Variants in PID1 observed in about 807,000 individuals in gnomAD.
PID1 encodes the protein PTB-containing, cubilin and LRP1-interacting protein.
Under a neutral mutation model 19.1 loss-of-function variants are expected in PID1, and 10 were observed. That is an observed-to-expected ratio of 0.52 (90% CI 0.32 to 0.89). The LOEUF (loss-of-function observed/expected upper bound fraction) is 0.89. PID1 is among the 40% of genes least tolerant of loss of function. The probability of loss-of-function intolerance (pLI) is 0.03; values close to 1 mark genes in which losing one functional copy is unlikely to be tolerated. For synonymous variants in PID1, 130 were observed against 116.0 expected, an observed-to-expected ratio of 1.12 and a Z score of -0.78; for missense variants, 248 against 285.3, an observed-to-expected ratio of 0.87 and a Z score of 0.94.
At position 229,271,208 on chromosome 2, in the gene PID1, G is replaced by A. The variant is rs955185797; in HGVS notation, c.-165C>T. ...TGGGCGTAGGGGGCTGCGAGCAGGAGGAGGCGCGGCGCTCAGCTGCCGGCA... is the reference window on the plus strand; with the variant it reads ...TGGGCGTAGGGGGCTGCGAGCAGGAAGAGGCGCGGCGCTCAGCTGCCGGCA... On this transcript the variant is annotated 5_prime_UTR_variant, in exon 1 of 3. Coordinates refer to ENST00000392055, the MANE Select transcript of PID1 (RefSeq NM_001100818.2). The A allele has an allele frequency of 3.2e-4, 206 of 640,732 alleles. 1 individual carries two copies. Among genetic ancestry groups the A allele is most frequent in the Non-Finnish European group, 2.6e-4 (105 of 400,124 alleles). The allele number at this position is 640,732 out of a possible 1,614,324, so 39.7% of individuals were successfully genotyped here.
intron 1 of PID1, among the ~76,000 whole-genome samples, chr2:229,186,955 C>T (rs932491270): frequency 1.3e-5 from 2 of 152,110 alleles, no homozygotes; most frequent in Non-Finnish European, 2.9e-5. Flanking sequence ...CTGCCAGATA[C>T]CCTAAATCAT....
At chr2:229,086,549 G>C (rs1694769989) in intron 2 of PID1, among the ~76,000 whole-genome samples, 1 of 152,070 alleles carries the variant, frequency 6.6e-6, no homozygotes, top group Non-Finnish European at 1.5e-5. Flanking sequence ...CATTTCTAAA[G>C]GTTTTATAAA....
At chr2:229,141,785 G>A (rs947560929) in intron 2 of PID1, among the ~76,000 whole-genome samples, 2 of 152,034 alleles carry the variant, frequency 1.3e-5, no homozygotes, top group Non-Finnish European at 2.9e-5. Context: ...GATGCCTGGT[G>A]ACTCATAAAT....
At chr2:229,051,699 T>C (rs756367506) in intron 2 of PID1, among the ~76,000 whole-genome samples, 1 of 152,188 alleles carries the variant, frequency 6.6e-6, no homozygotes, top group African/African-American at 2.4e-5. Context: ...AAGGTGTAAG[T>C]GTGTTGCAGG....
intron 1 of PID1, among the ~76,000 whole-genome samples, chr2:229,234,203 G>T (rs945920456): frequency 6.6e-6 from 1 of 152,146 alleles, no homozygotes; most frequent in African/African-American, 2.4e-5. Context: ...ACCATGGAGG[G>T]CCCTGAAAGA....
chr2:229,216,056 C>G (rs1202906758), intron 1 of PID1, among the ~76,000 whole-genome samples: 1 of 152,188 alleles, frequency 6.6e-6, no homozygotes, highest in Non-Finnish European at 1.5e-5. Context: ...ATGTCCCCCT[C>G]AGTGACCCAA....
intron 1 of PID1, among the ~76,000 whole-genome samples, chr2:229,197,456 T>C (rs1691401628): frequency 6.6e-6 from 1 of 152,012 alleles, no homozygotes; most frequent in Non-Finnish European, 1.5e-5. Flanking sequence ...GAAGATACAT[T>C]ATACATAGCA....
At chr2:229,267,986 T>C (rs1382625678) in intron 1 of PID1, among the ~76,000 whole-genome samples, 1 of 152,162 alleles carries the variant, frequency 6.6e-6, no homozygotes, top group Non-Finnish European at 1.5e-5. Flanking sequence ...TTCATATTTA[T>C]TCACTGTAAA....
intron 2 of PID1, among the ~76,000 whole-genome samples, chr2:229,114,491 A>G (rs1168865226): frequency 6.6e-6 from 1 of 152,138 alleles, no homozygotes; most frequent in Admixed American, 6.5e-5. Flanking sequence ...ATTGCTCAAC[A>G]GCCCCCTAGC....
chr2:229,151,577 T>A (rs192891343), intron 2 of PID1, among the ~76,000 whole-genome samples: 225 of 152,062 alleles, frequency 1.5e-3, no homozygotes, highest in African/African-American at 5.2e-3. Context: ...ATTTCTTTTT[T>A]TTTTTTTTTC....
At chr2:229,262,904 C>T in intron 1 of PID1, 1 of 1,493,744 alleles carries the variant, frequency 6.7e-7, no homozygotes, top group Non-Finnish European at 8.9e-7. Flanking sequence ...CTTATAAGGA[C>T]ATTAGTCATT....
chr2:229,245,889 A>G (rs1183699619), intron 1 of PID1, among the ~76,000 whole-genome samples: 1 of 152,112 alleles, frequency 6.6e-6, no homozygotes, highest in Non-Finnish European at 1.5e-5. Context: ...ACTTAGGCCA[A>G]GGGAATGTTT....
At chr2:229,069,393 G>A (rs6436837) in intron 2 of PID1, among the ~76,000 whole-genome samples, 9,621 of 152,110 alleles carry the variant, frequency 0.063, 352 homozygotes, top group African/African-American at 0.099. Context: ...TTCTGTTGGT[G>A]TGAGGTTGAT....
chr2:229,145,465 A>G (rs1690111203), intron 2 of PID1, among the ~76,000 whole-genome samples: 1 of 152,038 alleles, frequency 6.6e-6, no homozygotes, highest in African/African-American at 2.4e-5. Flanking sequence ...GGAATAATTA[A>G]CCTTTTTTCT....
intron 2 of PID1, among the ~76,000 whole-genome samples, chr2:229,130,059 C>T (rs4972888): frequency 0.79 from 120,328 of 151,682 alleles, 47,866 homozygotes; most frequent in East Asian, 1. Flanking sequence ...CAACCCTGTA[C>T]TTGTTCAGCT....
At chr2:229,085,222 G>T (rs11676565) in intron 2 of PID1, among the ~76,000 whole-genome samples, 4,866 of 140,010 alleles carry the variant, frequency 0.035, 128 homozygotes, top group South Asian at 0.1. Flanking sequence ...ACATATACTT[G>T]TAAAAAAAAA....
At chr2:229,192,841 A>G (rs1223497438) in intron 1 of PID1, among the ~76,000 whole-genome samples, 1 of 152,060 alleles carries the variant, frequency 6.6e-6, no homozygotes, top group Admixed American at 6.6e-5. Context: ...CTCTTTTATA[A>G]CCAAAAAAAA....
intron 1 of PID1, among the ~76,000 whole-genome samples, chr2:229,226,235 G>C (rs1182301504): frequency 2.0e-5 from 3 of 152,158 alleles, no homozygotes; most frequent in Non-Finnish European, 4.4e-5. Flanking sequence ...TTAGGCAGCA[G>C]TATCCACAAC....
chr2:229,242,011 GTTTTTGT>G (rs1203224214), intron 1 of PID1, among the ~76,000 whole-genome samples: 1 of 68,632 alleles, frequency 1.5e-5, no homozygotes, highest in Non-Finnish European at 3.6e-5. Flanking sequence ...GTAAATCAGT[GTTTTTGT>G]TTTTGTTTTT....
Sources: allele counts gnomAD v4.1 joint callset (sites outside exome capture counted in the v4.1 genomes callset), GRCh38; gene constraint gnomAD v4.1.1; transcripts MANE v1.5; gene names NCBI Gene and HGNC (gene_info 2026-07-23, HGNC 2026-07-21).